TUBGCP3: variants seen among roughly 807,000 people sequenced by gnomAD.
The protein encoded by TUBGCP3 is gamma-tubulin complex component 3.
TUBGCP3 carries 50 observed loss-of-function variants against 123.1 expected under a neutral mutation model. That is an observed-to-expected ratio of 0.41 (90% CI 0.32 to 0.51). The LOEUF (loss-of-function observed/expected upper bound fraction) is 0.51. Ranked by LOEUF, TUBGCP3 falls within the 20% of genes least tolerant of loss-of-function variation. The pLI is 0.36. For missense variants in TUBGCP3, 882 were observed against 1,127.0 expected, an observed-to-expected ratio of 0.78 and a Z score of 3.11; for synonymous variants, 405 against 413.9, an observed-to-expected ratio of 0.98 and a Z score of 0.26.
intron 20 of TUBGCP3, among the ~76,000 whole-genome samples, chr13:112,494,129 G>C (rs761670936): frequency 6.6e-5 from 10 of 151,572 alleles, no homozygotes; most frequent in Non-Finnish European, 1.3e-4. Context: ...ACAGGGCCTG[G>C]TGTGCCTGAG....
In TUBGCP3 at chr13:112,555,901, C is replaced by T. The variant is rs1273028650; in HGVS notation, c.721+151G>A. On this transcript the variant is annotated intron_variant, in intron 6 of 21. Coordinates refer to ENST00000261965, the MANE Select transcript of TUBGCP3 (RefSeq NM_006322.6). ...AAAAGCCAAACTCCCCAAGGCGCCG[C>T]AGACCACCAGGGACTCTGGACTTCA... The T allele has an allele frequency of 8.2e-6, 7 of 853,750 alleles. No individual in the cohort carries two copies. The Admixed American group carries it at 1.3e-4, about 16-fold the overall frequency. The allele number at this position is 853,750 out of a possible 1,614,324, so 52.9% of individuals were successfully genotyped here.
In TUBGCP3 at chr13:112,524,969, C is replaced by A. The variant is rs7330746; in HGVS notation, c.1555+1973G>T. On this transcript the variant is annotated intron_variant, in intron 13 of 21. Coordinates refer to ENST00000261965, the MANE Select transcript of TUBGCP3 (RefSeq NM_006322.6). The surrounding 1 kb of genome is among the most constrained non-coding windows in gnomAD (Gnocchi z 4.4). ...CTGCTGCCCTTCCGACTTGGCCTCA[C>A]GAGCTCAGAGTTCTAGTGCCATCAC... is the stretch of plus-strand genomic sequence containing the variant. 6.6e-6 allele frequency among the ~76,000 whole-genome samples: 1 copy of A among 152,122 alleles called. No homozygotes were observed. The highest frequency in any genetic ancestry group is 2.1e-4 in the South Asian group (1 of 4,816).
intron 1 of TUBGCP3, among the ~76,000 whole-genome samples, chr13:112,574,723 T>C (rs1881677434): frequency 6.6e-6 from 1 of 152,198 alleles, no homozygotes; most frequent in African/African-American, 2.4e-5. Flanking sequence ...AATCAGACTC[T>C]GAACAATGGG....
At position 112,545,444 on chromosome 13, in the gene TUBGCP3, C is replaced by T. The variant is rs1566565361; in HGVS notation, c.1335+255G>A. The T allele has an allele frequency of 7.3e-6, 3 of 411,518 alleles. No homozygotes were observed. Among genetic ancestry groups the T allele is most frequent in the East Asian group, 3.9e-5 (1 of 25,862 alleles). The allele number at this position is 411,518 out of a possible 1,614,324, so 25.5% of individuals were successfully genotyped here. A position where few individuals can be genotyped will look rare whatever the true frequency, so the allele number is the denominator to read the frequency against. ...TTTGCCATCCACGTGCTAGTAAACT[C>T]GGACGAGTGATTCCACCTTGCTGAG... is the stretch of plus-strand genomic sequence containing the variant. On this transcript the variant is annotated intron_variant, in intron 11 of 21. Coordinates refer to ENST00000261965, the MANE Select transcript of TUBGCP3 (RefSeq NM_006322.6). The surrounding 1 kb of genome is among the most constrained non-coding windows in gnomAD (Gnocchi z 4.1).
chr13:112,496,353 G>A (rs967779579), intron 20 of TUBGCP3, among the ~76,000 whole-genome samples: 4 of 152,208 alleles, frequency 2.6e-5, no homozygotes, highest in African/African-American at 9.6e-5. Context: ...GGTGGCACCA[G>A]GGGGTGCAGC....
At chr13:112,599,138 G>A in the TUBGCP3 span, among the ~76,000 whole-genome samples, 3 of 152,128 alleles carry the variant, frequency 2.0e-5, no homozygotes, top group Admixed American at 6.5e-5. Flanking sequence ...AGTTCTGATC[G>A]CGTATTATCA....
intron 14 of TUBGCP3, chr13:112,521,862 A>G (rs1876653692): frequency 1.0e-6 from 1 of 985,238 alleles, no homozygotes; most frequent in African/African-American, 1.7e-5. Flanking sequence ...CATACATTTA[A>G]CTCTGGAAGG....
chr13:112,502,841 G>A (rs1437925200), intron 19 of TUBGCP3, among the ~76,000 whole-genome samples: 6 of 151,976 alleles, frequency 3.9e-5, no homozygotes, highest in East Asian at 1.9e-4. Context: ...CACTGCCCCC[G>A]GCCTGTATAT....
At chr13:112,547,798 T>G in intron 9 of TUBGCP3, 46 bp from the exon 10 acceptor site, 5 of 1,389,212 alleles carry the variant, frequency 3.6e-6, no homozygotes, top group Non-Finnish European at 4.7e-6. Context: ...AATAACCACA[T>G]AGATCACACT....
chr13:112,545,855 T>C lies in TUBGCP3; in HGVS notation c.1179A>G (p.Gly393=), dbSNP rs1443587032. 4 of 1,609,180 alleles carry C rather than the reference T, an allele frequency of 2.5e-6. No homozygotes were observed. In the Admixed American group the frequency reaches 6.7e-5, roughly 27 times the overall value. The part of the protein sequence containing the change: ...ALVDHCQGRK[G]GELASAVHAY... ...CGTGGACAGCTGAGGCCAGCTCACC[T>C]CCTTTCCTTCCTGGGAGAAATGGAG... Residue 393 remains glycine (G), a synonymous_variant, in exon 11 of 22, where the codon GGA becomes GGG. Transcript: ENST00000261965. The surrounding 1 kb of genome is among the most constrained non-coding windows in gnomAD (Gnocchi z 4.1).
At chr13:112,527,319 C>T in intron 12 of TUBGCP3, 55 bp downstream of exon 12, 1 of 1,295,758 alleles carries the variant, frequency 7.7e-7, no homozygotes, top group African/African-American at 1.5e-5. Flanking sequence ...GTCACATAAT[C>T]TAAGTATACA....
At chr13:112,578,281 C>T (rs1050607064) in intron 1 of TUBGCP3, among the ~76,000 whole-genome samples, 3 of 151,982 alleles carry the variant, frequency 2.0e-5, no homozygotes, top group East Asian at 3.9e-4. Context: ...TGCTCTCGGC[C>T]GGGCGCGGTG....
the TUBGCP3 span, among the ~76,000 whole-genome samples, chr13:112,596,630 CA>C: frequency 2.6e-5 from 4 of 151,988 alleles, no homozygotes; most frequent in Non-Finnish European, 5.9e-5. Flanking sequence ...TGTCTTTTGC[CA>C]AATTTGGGGA....
chr13:112,580,485 G>T (rs1594233857), intron 1 of TUBGCP3, among the ~76,000 whole-genome samples: 1 of 151,886 alleles, frequency 6.6e-6, no homozygotes, highest in Non-Finnish European at 1.5e-5. Context: ...TTCTAAGTCT[G>T]TCACTAGCTT....
chr13:112,506,241 C>G (rs1217100456), intron 17 of TUBGCP3, among the ~76,000 whole-genome samples: 2 of 152,110 alleles, frequency 1.3e-5, no homozygotes, highest in African/African-American at 4.8e-5. Context: ...GAGGTGGCAA[C>G]CTAACCAACC....
chr13:112,489,825 C>T, intron 20 of TUBGCP3, 128 bp from the exon 21 acceptor site: 1 of 679,112 alleles, frequency 1.5e-6, no homozygotes, highest in South Asian at 1.9e-5. Context: ...CTGTTCAACA[C>T]TTTCACAATA....
rs1229525284 is a variant in TUBGCP3 at position 112,554,917 on chromosome 13, G to A, written c.810C>T (p.Asn270=). Residue 270 remains asparagine (N), a synonymous_variant, in exon 7 of 22, where the codon AAC becomes AAT. Transcript: ENST00000261965. ...CTTCTACTTTGTAACAATTTTCAGTGTTGTTCATTTTGATGTTTTTGCCAT... is the reference window on the plus strand; with the variant it reads ...CTTCTACTTTGTAACAATTTTCAGTATTGTTCATTTTGATGTTTTTGCCAT... ...GIDGKNIKMN[N]TENCYKVEGK... 1.9e-6 allele frequency: 3 copies of A among 1,611,486 alleles called. No homozygotes were observed. The highest frequency in any genetic ancestry group is 2.5e-6 in the Non-Finnish European group (3 of 1,179,056).
chr13:112,529,574 G>A (rs1041316217), intron 11 of TUBGCP3, among the ~76,000 whole-genome samples: 1 of 152,170 alleles, frequency 6.6e-6, no homozygotes, highest in Non-Finnish European at 1.5e-5. Context: ...AGCCGCTCCT[G>A]CGTCCTTCAC....
intron 3 of TUBGCP3, among the ~76,000 whole-genome samples, chr13:112,562,041 G>A (rs1248849715): frequency 6.6e-6 from 1 of 152,072 alleles, no homozygotes; most frequent in Non-Finnish European, 1.5e-5. Context: ...GAGGCAGTCT[G>A]GAAACACCAC....
Sources: allele counts gnomAD v4.1 joint callset (sites outside exome capture counted in the v4.1 genomes callset), GRCh38; gene constraint gnomAD v4.1.1; non-coding constraint Gnocchi (gnomAD v3.1); transcripts MANE v1.5; gene names NCBI Gene and HGNC (gene_info 2026-07-23, HGNC 2026-07-21).